CYP39A1: variants seen among roughly 807,000 people sequenced by gnomAD.
The protein encoded by CYP39A1 is 24-hydroxycholesterol 7-alpha-hydroxylase.
In CYP39A1, 49 loss-of-function variants were observed where a neutral mutation model predicts 58.1. The ratio of observed to expected loss-of-function variants is 0.84; its 90% CI spans 0.67 to 1.07. The LOEUF (loss-of-function observed/expected upper bound fraction) is 1.07. Ranked by LOEUF, CYP39A1 falls within the 50% of genes least tolerant of loss-of-function variation. The pLI is 0.00. For missense variants in CYP39A1, 531 were observed against 539.4 expected (o/e 0.98, Z 0.16); for synonymous variants, 209 against 187.6 (o/e 1.11, Z -0.93).
intron 10 of CYP39A1, among the ~76,000 whole-genome samples, chr6:46,555,850 A>G (rs1770642801): frequency 6.6e-6 from 1 of 152,250 alleles, no homozygotes; most frequent in South Asian, 2.1e-4. Flanking sequence ...TGTGGCTATA[A>G]TCCATCTGAA....
At chr6:46,615,993 C>A (rs898801430) in intron 7 of CYP39A1, among the ~76,000 whole-genome samples, 8 of 54,348 alleles carry the variant, frequency 1.5e-4, no homozygotes, top group African/African-American at 6.2e-4. Flanking sequence ...TTTTCTCTAG[C>A]CTTTCCCTCC....
intron 6 of CYP39A1, among the ~76,000 whole-genome samples, chr6:46,626,159 C>T (rs1304868635): frequency 1.3e-5 from 2 of 152,058 alleles, no homozygotes. Context: ...CATTTTCTCT[C>T]TTGGCCACTC....
At chr6:46,561,024 C>A (rs956041371) in intron 10 of CYP39A1, among the ~76,000 whole-genome samples, 6 of 152,140 alleles carry the variant, frequency 3.9e-5, no homozygotes, top group Non-Finnish European at 7.4e-5. Context: ...CATAAAGTAA[C>A]CACTTCTTTT....
intron 10 of CYP39A1, among the ~76,000 whole-genome samples, chr6:46,580,610 A>G (rs1260819202): frequency 6.6e-6 from 1 of 152,214 alleles, no homozygotes; most frequent in Non-Finnish European, 1.5e-5. Context: ...TGCATCTCAC[A>G]AAGGTCTAAT....
intron 10 of CYP39A1, among the ~76,000 whole-genome samples, chr6:46,576,160 CACA>C (rs1020756959): frequency 1.5e-4 from 23 of 152,184 alleles, no homozygotes; most frequent in African/African-American, 5.5e-4. Flanking sequence ...AACCAGATCT[CACA>C]ACAACTCAGT....
chr6:46,569,803 T>A (rs115340977), intron 10 of CYP39A1, among the ~76,000 whole-genome samples: 1 of 152,110 alleles, frequency 6.6e-6, no homozygotes, highest in Non-Finnish European at 1.5e-5. Flanking sequence ...TTTGCATTTA[T>A]GTTCATCAGG....
At chr6:46,633,689 T>C (rs1374741532) in intron 5 of CYP39A1, among the ~76,000 whole-genome samples, 6 of 152,078 alleles carry the variant, frequency 3.9e-5, no homozygotes, top group Non-Finnish European at 7.4e-5. Flanking sequence ...AAACCTCATC[T>C]CTACTAAAAA....
chr6:46,564,139 TATTC>T (rs1238941169), intron 10 of CYP39A1, among the ~76,000 whole-genome samples: 1,232 of 96,854 alleles, frequency 0.013, 66 homozygotes, highest in African/African-American at 0.061. Context: ...TATTTTATTC[TATTC>T]TATTTTATTC....
chr6:46,636,375 T>C lies in CYP39A1; in HGVS notation c.732+14A>G. The C allele has an allele frequency of 6.5e-7, 1 of 1,533,808 alleles. No homozygotes were observed. Among genetic ancestry groups the C allele is most frequent in the Non-Finnish European group, 9.0e-7 (1 of 1,116,588 alleles). On this transcript the variant is annotated intron_variant, in intron 5 of 11. Coordinates refer to ENST00000275016, the MANE Select transcript of CYP39A1 (RefSeq NM_016593.5). ...TATCTTTACATTAGCAAAAGAAAGG[T>C]AAGAAATACTTACCATGGAATTATC...
chr6:46,639,832 C>T (rs1490521582), intron 2 of CYP39A1, among the ~76,000 whole-genome samples, 164 bp from the exon 3 acceptor site: 2 of 152,162 alleles, frequency 1.3e-5, no homozygotes, highest in East Asian at 1.9e-4. Context: ...AACCTATTCT[C>T]GACTGAGTGT....
At chr6:46,611,106 TC>T (rs1234743405) in intron 7 of CYP39A1, among the ~76,000 whole-genome samples, 1 of 152,214 alleles carries the variant, frequency 6.6e-6, no homozygotes, top group African/African-American at 2.4e-5. Flanking sequence ...GTTTCTACTC[TC>T]CTCCTCCAGC....
intron 8 of CYP39A1, among the ~76,000 whole-genome samples, chr6:46,589,358 CAGG>C (rs1561970129): frequency 6.6e-6 from 1 of 151,968 alleles, no homozygotes; most frequent in African/African-American, 2.4e-5. Context: ...GTGGTTGAGA[CAGG>C]AGGATTGCTT....
At chr6:46,651,161 A>C (rs1488767160) in intron 1 of CYP39A1, among the ~76,000 whole-genome samples, 1 of 152,200 alleles carries the variant, frequency 6.6e-6, no homozygotes, top group Admixed American at 6.5e-5. Flanking sequence ...CAGCAATTCT[A>C]CTCCTAGGAA....
Position 46,631,022 on chromosome 6 carries a change from CCTTA to C in CYP39A1, c.777_780del (p.Ser259ArgfsTer68), listed in dbSNP as rs1562008222. On this transcript the variant is annotated frameshift_variant, in exon 6 of 12. Transcript: ENST00000275016. LOFTEE classifies it high-confidence loss of function. ...AAGAGCCCATAATTGGGTGAGTTTT[CCTTA>C]CTTGTTTCCGTCTCTACAATATCCA... 6.2e-7 allele frequency: 1 copy of C among 1,614,032 alleles called. No homozygotes were observed.
chr6:46,592,815 G>A (rs1035915468), intron 8 of CYP39A1, among the ~76,000 whole-genome samples: 4 of 152,102 alleles, frequency 2.6e-5, no homozygotes, highest in Non-Finnish European at 4.4e-5. Flanking sequence ...AATCAACTGG[G>A]CATGATGGCA....
chr6:46,593,155 A>G (rs1772943669), intron 8 of CYP39A1, among the ~76,000 whole-genome samples: 1 of 152,174 alleles, frequency 6.6e-6, no homozygotes, highest in African/African-American at 2.4e-5. Flanking sequence ...TTTGGTTTCT[A>G]TATTAATGTC....
intron 8 of CYP39A1, among the ~76,000 whole-genome samples, chr6:46,589,253 G>A (rs1772665511): frequency 6.6e-6 from 1 of 151,974 alleles, no homozygotes. Flanking sequence ...AGGAGTTTGA[G>A]ACCAGCCTAG....
intron 10 of CYP39A1, chr6:46,583,627 G>A: frequency 1.0e-6 from 1 of 977,692 alleles, no homozygotes; most frequent in South Asian, 4.7e-5. Flanking sequence ...TTCTCCAGTA[G>A]TAGAATTACT....
intron 8 of CYP39A1, among the ~76,000 whole-genome samples, chr6:46,595,159 T>C (rs964339993): frequency 2.0e-5 from 3 of 151,786 alleles, no homozygotes; most frequent in Admixed American, 2.0e-4. Flanking sequence ...AGATGAAAGA[T>C]AATTGTGGAA....
Sources: gnomAD v4.1 joint callset for allele counts (sites outside exome capture counted in the v4.1 genomes callset) on GRCh38, gnomAD v4.1.1 for gene constraint, MANE v1.5 for transcripts, NCBI Gene and HGNC (gene_info 2026-07-23, HGNC 2026-07-21) for gene names.